Variants in CTTNBP2 observed in about 807,000 individuals in gnomAD.
CTTNBP2 encodes cortactin binding protein 2, also known as cortactin-binding protein 2.
In CTTNBP2, 108 loss-of-function variants were observed where a neutral mutation model predicts 156.9. The observed-to-expected ratio is 0.69, with a 90% CI of 0.59 to 0.81. The LOEUF (loss-of-function observed/expected upper bound fraction) is 0.81, where lower values mean the gene tolerates loss of function less well. CTTNBP2 is among the 30% of genes least tolerant of loss of function. CTTNBP2 has a pLI of 0.00. For synonymous variants in CTTNBP2, 767 were observed against 751.8 expected (o/e 1.02, Z -0.33); for missense variants, 1,924 against 2,035.4 (o/e 0.95, Z 1.05).
intron 3 of CTTNBP2, among the ~76,000 whole-genome samples, chr7:117,806,335 A>G (rs1355367942): frequency 6.6e-6 from 1 of 152,192 alleles, no homozygotes; most frequent in Non-Finnish European, 1.5e-5. Flanking sequence ...AATTAGTTCT[A>G]ATTCAAAGTG....
At chr7:117,724,811 C>T (rs140544268) in intron 18 of CTTNBP2, 79 bp from the exon 19 acceptor site, 39 of 1,496,104 alleles carry the variant, frequency 2.6e-5, no homozygotes, top group Admixed American at 1.6e-4. Context: ...CTCAAAGATA[C>T]GGACTGTTCA....
intron 2 of CTTNBP2, among the ~76,000 whole-genome samples, chr7:117,856,952 C>A (rs1338620480): frequency 6.6e-6 from 1 of 152,186 alleles, no homozygotes; most frequent in African/African-American, 2.4e-5. Flanking sequence ...GAAGACTCCA[C>A]AAAGTTAATT....
intron 3 of CTTNBP2, among the ~76,000 whole-genome samples, chr7:117,803,208 G>T (rs1038252548): frequency 6.6e-6 from 1 of 152,058 alleles, no homozygotes; most frequent in Non-Finnish European, 1.5e-5. Flanking sequence ...ACACATATAC[G>T]CCAACTAAAA....
intron 14 of CTTNBP2, among the ~76,000 whole-genome samples, chr7:117,736,101 C>A (rs1795671974): frequency 6.6e-6 from 1 of 152,034 alleles, no homozygotes; most frequent in South Asian, 2.1e-4. Context: ...TTTCATAATA[C>A]AAAAGGTTAA....
intron 2 of CTTNBP2, among the ~76,000 whole-genome samples, chr7:117,847,550 A>G (rs1012848023): frequency 2.6e-5 from 4 of 152,182 alleles, no homozygotes; most frequent in Admixed American, 2.0e-4. Flanking sequence ...AATGTTCTAA[A>G]CTGAAATAAG....
chr7:117,793,147 A>G (rs1799128541), intron 3 of CTTNBP2, among the ~76,000 whole-genome samples: 1 of 152,230 alleles, frequency 6.6e-6, no homozygotes, highest in Admixed American at 6.5e-5. Context: ...TTTTTAAAAA[A>G]GGTTTAATGC....
intron 2 of CTTNBP2, among the ~76,000 whole-genome samples, chr7:117,846,338 T>C (rs1802585855): frequency 6.6e-6 from 1 of 152,126 alleles, no homozygotes; most frequent in South Asian, 2.1e-4. Flanking sequence ...AAATGAGAAA[T>C]ATAAAACTGT....
At chr7:117,802,520 A>T (rs963436675) in intron 3 of CTTNBP2, among the ~76,000 whole-genome samples, 6 of 151,944 alleles carry the variant, frequency 3.9e-5, no homozygotes, top group Non-Finnish European at 8.8e-5. Flanking sequence ...AGCAATCACA[A>T]CAAAAATACA....
intron 8 of CTTNBP2, among the ~76,000 whole-genome samples, chr7:117,769,329 A>G (rs922887138): frequency 1.3e-5 from 2 of 152,230 alleles, no homozygotes; most frequent in African/African-American, 4.8e-5. Flanking sequence ...CTATGAAGGT[A>G]AAGCTGACAG....
Position 117,724,669 on chromosome 7 carries a change from T to C in CTTNBP2, c.4325A>G (p.Tyr1442Cys). 1 of 1,614,226 alleles carries C rather than the reference T, an allele frequency of 6.2e-7. No individual in the cohort carries two copies. The highest frequency in any genetic ancestry group is 8.5e-7 in the Non-Finnish European group (1 of 1,180,028). ...GSFPLSIVSS[Y>C]NTCNKKKGES... The stretch of plus-strand genomic sequence containing the variant: ...TCCTTTCTTCTTGTTACAAGTGTTA[T>C]AACTGGAAACTATGGATAAAGGGAA... The change falls in exon 19 of 23, where the codon TAT becomes TGT. Residue 1442 changes from tyrosine (Y) to cysteine (C), a missense_variant. Coordinates refer to ENST00000160373, the MANE Select transcript of CTTNBP2 (RefSeq NM_033427.3).
In CTTNBP2 at chr7:117,791,204, A is replaced by G; in HGVS notation, c.1992T>C (p.Phe664=). The change falls in exon 4 of 23, where the codon TTT becomes TTC. Residue 664 remains phenylalanine, a synonymous_variant. Coordinates refer to ENST00000160373, the MANE Select transcript of CTTNBP2 (RefSeq NM_033427.3). ...CACTAACGGGGTTTATGGAAGAGCA[A>G]AAGGCAATGGTGGTAGGAATGACAA... ...SSLVIPTTIA[F]CSSINPVSAS... is the part of the protein sequence containing the mutation. 6.2e-7 allele frequency: 1 copy of G among 1,614,186 alleles called. No homozygotes were observed. Among genetic ancestry groups the G allele is most frequent in the Non-Finnish European group, 8.5e-7 (1 of 1,180,024 alleles).
chr7:117,872,107 T>C (rs938841013), intron 1 of CTTNBP2: 2 of 358,990 alleles, frequency 5.6e-6, no homozygotes, highest in African/African-American at 4.4e-5. Context: ...AACTTGCCAG[T>C]TTTACAAGTG....
intron 2 of CTTNBP2, among the ~76,000 whole-genome samples, chr7:117,836,458 G>T (rs557582254): frequency 6.6e-6 from 1 of 152,190 alleles, no homozygotes; most frequent in African/African-American, 2.4e-5. Context: ...CAGCCACTCC[G>T]GAGGCTGAGG....
intron 22 of CTTNBP2, chr7:117,713,641 T>A (rs1794179501): frequency 6.6e-6 from 1 of 152,214 alleles, no homozygotes. Flanking sequence ...GTCACTAAAG[T>A]TCTTTTAAAG....
At chr7:117,720,467 A>G (rs752271791) in intron 20 of CTTNBP2, among the ~76,000 whole-genome samples, 1 of 152,190 alleles carries the variant, frequency 6.6e-6, no homozygotes, top group Non-Finnish European at 1.5e-5. Flanking sequence ...AGGCCTAGGC[A>G]GATGGATCAC....
chr7:117,873,281 C>T (rs1427863731), intron 1 of CTTNBP2, 54 bp downstream of exon 1: 4 of 1,278,792 alleles, frequency 3.1e-6, no homozygotes, highest in Non-Finnish European at 3.0e-6. Flanking sequence ...ACCCCGGCGC[C>T]GCCCCCGGCC....
intron 2 of CTTNBP2, among the ~76,000 whole-genome samples, chr7:117,832,534 C>CA (rs1319955031): frequency 6.8e-6 from 1 of 148,010 alleles, no homozygotes; most frequent in Non-Finnish European, 1.5e-5. Flanking sequence ...TCTCTACTCT[C>CA]ATTTTTTTTT....
chr7:117,862,332 G>T (rs978691082), intron 1 of CTTNBP2, among the ~76,000 whole-genome samples: 1 of 152,036 alleles, frequency 6.6e-6, no homozygotes, highest in South Asian at 2.1e-4. Flanking sequence ...GGGCGGTGTG[G>T]TGGTTCATAA....
At chr7:117,786,541 C>A in intron 4 of CTTNBP2, 1 of 345,414 alleles carries the variant, frequency 2.9e-6, no homozygotes, top group South Asian at 2.4e-5. Flanking sequence ...GACTGCAAAG[C>A]AAACACAGGC....
Sources: gnomAD v4.1 joint callset for allele counts (sites outside exome capture counted in the v4.1 genomes callset) on GRCh38, gnomAD v4.1.1 for gene constraint, MANE v1.5 for transcripts, NCBI Gene and HGNC (gene_info 2026-07-23, HGNC 2026-07-21) for gene names.